The following KCNN2 variants were observed in gnomAD, a reference collection of about 807,000 sequenced individuals.
KCNN2 encodes the protein potassium calcium-activated channel subfamily N member 2.
Under a neutral mutation model 55.5 loss-of-function variants are expected in KCNN2, and 24 were observed. The ratio of observed to expected loss-of-function variants is 0.43; its 90% CI spans 0.31 to 0.61. The LOEUF is 0.61. Among genes scored for constraint, KCNN2 ranks in the 20% least tolerant of loss-of-function variants. The pLI, the probability that KCNN2 is intolerant of heterozygous loss-of-function variation, is 0.08. For synonymous variants in KCNN2, 431 were observed against 336.1 expected (o/e 1.28, Z -3.09); for missense variants, 754 against 853.6 (o/e 0.88, Z 1.45).
chr5:114,133,799 C>G (rs769599655), intron 1 of KCNN2, among the ~76,000 whole-genome samples: 58 of 152,030 alleles, frequency 3.8e-4, no homozygotes, highest in Non-Finnish European at 7.8e-4. Context: ...CAATGCTTAC[C>G]CTTGTTGTAT....
At chr5:114,104,154 G>C (rs967193422) in intron 1 of KCNN2, among the ~76,000 whole-genome samples, 8 of 152,028 alleles carry the variant, frequency 5.3e-5, no homozygotes, top group African/African-American at 1.9e-4. Flanking sequence ...TTAGTTTTGG[G>C]AGGGTTTATG....
chr5:114,244,408 C>T (rs1754709545), intron 2 of KCNN2, among the ~76,000 whole-genome samples: 1 of 151,856 alleles, frequency 6.6e-6, no homozygotes, highest in Admixed American at 6.6e-5. Context: ...CCAACCTGGC[C>T]AATATAGTGA....
At chr5:114,168,867 T>C (rs1196663803) in intron 1 of KCNN2, among the ~76,000 whole-genome samples, 1 of 152,120 alleles carries the variant, frequency 6.6e-6, no homozygotes, top group African/African-American at 2.4e-5. Context: ...TCTCTATGTA[T>C]AATATGGTTT....
rs373767129 is a variant in KCNN2, at chr5:114,285,956, G to A, written c.-185+64391G>A. Among the ~76,000 whole-genome samples the A allele has an allele frequency of 1.1e-4, 15 of 139,392 alleles. No homozygotes were observed. The East Asian group carries it at 3.0e-3, about 28-fold the overall frequency. The allele number at this position is 139,392 out of a possible 152,430, so 91.4% of individuals were successfully genotyped here. A position where few individuals can be genotyped will look rare whatever the true frequency, so the allele number is the denominator to read the frequency against. On this transcript the variant is annotated intron_variant, in intron 2 of 10. Coordinates refer to the KCNN2 transcript ENST00000512097. Reference sequence around the variant, plus strand: ...TTTTCTCTGACGGAGTTTCACCCTTGTTGCCCAGGCTGGAGTGCAATGGCA... The same window carrying A: ...TTTTCTCTGACGGAGTTTCACCCTTATTGCCCAGGCTGGAGTGCAATGGCA...
At chr5:114,136,541 G>A (rs1401762679) in intron 1 of KCNN2, among the ~76,000 whole-genome samples, 1 of 152,208 alleles carries the variant, frequency 6.6e-6, no homozygotes, top group Non-Finnish European at 1.5e-5. Flanking sequence ...GGCAGTTCAT[G>A]CTGGACAGTG....
In KCNN2 at chr5:114,249,832, C is replaced by T. The variant is rs142190058; in HGVS notation, c.-185+28267C>T. Among the ~76,000 whole-genome samples, 5 of 151,318 alleles carry T rather than the reference C, an allele frequency of 3.3e-5. No homozygotes were observed. In the East Asian group the frequency reaches 5.8e-4, roughly 18 times the overall value. ...GGCTGATTTCTTGCAAAAATATCAT[C>T]GATCTGAATATGAAGAGAAGAAGAC... On this transcript the variant is annotated intron_variant, in intron 2 of 10. Transcript: ENST00000512097.
intron 1 of KCNN2, among the ~76,000 whole-genome samples, chr5:114,168,144 G>T: frequency 7.0e-6 from 1 of 142,736 alleles, no homozygotes; most frequent in African/African-American, 2.6e-5. Flanking sequence ...TGTGTATATA[G>T]ATATATAATC....
chr5:114,343,089 C>T (rs1757046298), intron 2 of KCNN2, among the ~76,000 whole-genome samples: 1 of 152,196 alleles, frequency 6.6e-6, no homozygotes, highest in Non-Finnish European at 1.5e-5. Context: ...GTCACATCTT[C>T]ATTTCTTGCT....
intron 1 of KCNN2, among the ~76,000 whole-genome samples, chr5:114,104,377 C>T (rs1364321921): frequency 6.6e-6 from 1 of 152,010 alleles, no homozygotes; most frequent in Non-Finnish European, 1.5e-5. Context: ...AAAAAACCTC[C>T]TGGATTCGTT....
At chr5:114,386,430 A>C (rs1214694955) in intron 2 of KCNN2, among the ~76,000 whole-genome samples, 3 of 152,166 alleles carry the variant, frequency 2.0e-5, no homozygotes, top group Admixed American at 6.5e-5. Context: ...TTGAGTTCTT[A>C]TTTATAATGG....
At chr5:114,275,017 T>C (rs1162236066) in intron 2 of KCNN2, among the ~76,000 whole-genome samples, 2 of 152,220 alleles carry the variant, frequency 1.3e-5, no homozygotes, top group East Asian at 3.8e-4. Context: ...CACTGATACC[T>C]AGTTTATTGT....
At chr5:114,434,617 A>G (rs1759937851) in intron 3 of KCNN2, among the ~76,000 whole-genome samples, 1 of 152,210 alleles carries the variant, frequency 6.6e-6, no homozygotes, top group Non-Finnish European at 1.5e-5. Flanking sequence ...CAAGAGCCCT[A>G]TTGATATCAG....
intron 2 of KCNN2, among the ~76,000 whole-genome samples, chr5:114,294,792 G>T (rs1191052015): frequency 5.9e-5 from 9 of 152,110 alleles, no homozygotes; most frequent in Admixed American, 5.2e-4. Context: ...TGACAGTGGG[G>T]TGTTAAAGTC....
At chr5:114,475,701 A>G (rs1309562678) in intron 5 of KCNN2, among the ~76,000 whole-genome samples, 1 of 152,046 alleles carries the variant, frequency 6.6e-6, no homozygotes, top group Non-Finnish European at 1.5e-5. Context: ...CTTGGCAGAA[A>G]AATGCACGTG....
At chr5:114,062,290 G>T (rs1262966733) in intron 1 of KCNN2, among the ~76,000 whole-genome samples, 1 of 152,122 alleles carries the variant, frequency 6.6e-6, no homozygotes, top group African/African-American at 2.4e-5. Context: ...TCTGGGCAGG[G>T]CAGCGCAAAG....
chr5:114,441,206 G>C (rs756133734), intron 3 of KCNN2, among the ~76,000 whole-genome samples: 3 of 152,072 alleles, frequency 2.0e-5, no homozygotes, highest in Non-Finnish European at 2.9e-5. Context: ...AAAACAGTGA[G>C]CAAACTAGAG....
chr5:114,378,138 T>C (rs1234441791), intron 2 of KCNN2, among the ~76,000 whole-genome samples: 1 of 152,124 alleles, frequency 6.6e-6, no homozygotes, highest in Admixed American at 6.5e-5. Flanking sequence ...ATGGGCCAAG[T>C]CCGCCCCCTG....
intron 1 of KCNN2, among the ~76,000 whole-genome samples, chr5:114,111,847 T>C (rs1751604484): frequency 6.6e-6 from 1 of 152,152 alleles, no homozygotes; most frequent in Admixed American, 6.6e-5. Flanking sequence ...GGAGAGGATG[T>C]GGAGAAATGG....
chr5:114,344,870 T>A (rs923766290), intron 2 of KCNN2, among the ~76,000 whole-genome samples: 1 of 152,178 alleles, frequency 6.6e-6, no homozygotes, highest in Non-Finnish European at 1.5e-5. Flanking sequence ...AAAAGGAAAG[T>A]CAAGATAATC....
Sources: allele counts gnomAD v4.1 joint callset (sites outside exome capture counted in the v4.1 genomes callset), GRCh38; gene constraint gnomAD v4.1.1; transcripts MANE v1.5; gene names NCBI Gene and HGNC (gene_info 2026-07-23, HGNC 2026-07-21).